Variants in PCP4 observed in about 807,000 individuals in gnomAD.
PCP4 encodes calmodulin regulator protein PCP4.
A neutral mutation model predicts 10.0 loss-of-function variants in PCP4; 8 were observed. That is an observed-to-expected ratio of 0.80 (90% CI 0.47 to 1.45). PCP4 has a LOEUF of 1.45. Among genes scored for constraint, PCP4 ranks in the 40% most tolerant of loss-of-function variants. PCP4 has a pLI of 0.00. For synonymous variants in PCP4, 21 were observed against 23.0 expected (o/e 0.91, Z 0.24); for missense variants, 54 against 74.4 (o/e 0.73, Z 1.01).
chr21:39,892,077 C>T (rs796476151), intron 1 of PCP4, among the ~76,000 whole-genome samples: 50 of 152,312 alleles, frequency 3.3e-4, no homozygotes, highest in African/African-American at 7.0e-4. Context: ...CTCCCTTTTG[C>T]GGTCTGCTAA....
intron 1 of PCP4, among the ~76,000 whole-genome samples, chr21:39,896,156 A>C (rs2087456197): frequency 6.6e-6 from 1 of 152,184 alleles, no homozygotes; most frequent in Admixed American, 6.5e-5. Flanking sequence ...TTTTATGGAA[A>C]AGTTATTCAT....
At chr21:39,913,733 A>G (rs7279686) in intron 2 of PCP4, among the ~76,000 whole-genome samples, 140,252 of 152,242 alleles carry the variant, frequency 0.92, 64,805 homozygotes, top group African/African-American at 0.98. Context: ...GAGGGACTTG[A>G]CCCTGGCTTT....
At chr21:39,880,160 A>ATATCTATATCTG (rs2087367449) in intron 1 of PCP4, among the ~76,000 whole-genome samples, 1 of 149,390 alleles carries the variant, frequency 6.7e-6, no homozygotes, top group Non-Finnish European at 1.5e-5. Flanking sequence ...ATCTATATCT[A>ATATCTATATCTG]TATCTATATC....
Position 39,881,126 on chromosome 21 carries a change from C to T in PCP4, c.9+13616C>T, listed in dbSNP as rs2146328381. Among the ~76,000 whole-genome samples the T allele has an allele frequency of 1.3e-5, 2 of 152,246 alleles. 1 individual carries two copies. The highest frequency in any genetic ancestry group is 4.2e-4 in the South Asian group (2 of 4,812). On this transcript the variant is annotated intron_variant, in intron 1 of 2. Coordinates refer to ENST00000328619, the MANE Select transcript of PCP4 (RefSeq NM_006198.3). ...TCTGAGTCTCAATCCACTTCTTGGG[C>T]TGTGACAGCTGATTTAGGACAAAAC... is the stretch of plus-strand genomic sequence containing the variant.
chr21:39,905,427 C>T (rs187616949), intron 2 of PCP4, among the ~76,000 whole-genome samples: 119 of 152,212 alleles, frequency 7.8e-4, no homozygotes, highest in African/African-American at 1.6e-3. Flanking sequence ...CTTATTAAGC[C>T]GGGCATTTAA....
In PCP4 at chr21:39,906,302, C is replaced by T. The variant is rs1189559227; in HGVS notation, c.61+7775C>T. On this transcript the variant is annotated intron_variant, in intron 2 of 2. Transcript: ENST00000328619. This position sits in a 1 kb window ranked among gnomAD's most constrained non-coding sequence, Gnocchi z 6.3. ...CAACTTGGATGGGCTGTGGTCTAAG[C>T]CCCTGGAACAGAATAAAGTTAATGG... Among the ~76,000 whole-genome samples, 3 of 152,296 alleles carry T rather than the reference C, an allele frequency of 2.0e-5. No homozygotes were observed. The highest frequency in any genetic ancestry group is 3.4e-3 in the Middle Eastern group (1 of 294).
rs930576709 is a variant in PCP4, at chr21:39,906,037, G to C, written c.61+7510G>C. Among the ~76,000 whole-genome samples the C allele has an allele frequency of 1.3e-5, 2 of 152,154 alleles. No homozygotes were observed. The highest frequency in any genetic ancestry group is 2.9e-5 in the Non-Finnish European group (2 of 68,040). The stretch of plus-strand genomic sequence containing the variant: ...TGCACTCCAACCTGGGTGACAGAGC[G>C]AGACTCCGTCTCAAAATGCTCCCCC... On this transcript the variant is annotated intron_variant, in intron 2 of 2. Coordinates refer to ENST00000328619, the MANE Select transcript of PCP4 (RefSeq NM_006198.3). This position sits in a 1 kb window ranked among gnomAD's most constrained non-coding sequence, Gnocchi z 6.3.
chr21:39,873,504 G>T (rs1415628275), intron 1 of PCP4, among the ~76,000 whole-genome samples: 3 of 151,956 alleles, frequency 2.0e-5, no homozygotes, highest in Non-Finnish European at 2.9e-5. Flanking sequence ...TGCAAAAAGG[G>T]ATGGATTCAA....
chr21:39,869,660 T>C (rs2087310517), intron 1 of PCP4, among the ~76,000 whole-genome samples: 2 of 152,172 alleles, frequency 1.3e-5, no homozygotes, highest in South Asian at 4.1e-4. Flanking sequence ...CATGTGCTCC[T>C]TGGAGAGCAG....
intron 1 of PCP4, among the ~76,000 whole-genome samples, chr21:39,880,582 G>A (rs1013570049): frequency 3.5e-4 from 53 of 152,126 alleles, no homozygotes; most frequent in African/African-American, 1.2e-3. Flanking sequence ...TGTCTTTATC[G>A]AGTGCTGGTT....
intron 1 of PCP4, among the ~76,000 whole-genome samples, chr21:39,874,872 A>T (rs2087337755): frequency 6.6e-6 from 1 of 152,194 alleles, no homozygotes; most frequent in African/African-American, 2.4e-5. Flanking sequence ...TTTCCATCCG[A>T]TAATACCTGA....
At chr21:39,889,060 A>G (rs1652588818) in intron 1 of PCP4, among the ~76,000 whole-genome samples, 2 of 152,296 alleles carry the variant, frequency 1.3e-5, no homozygotes, top group South Asian at 4.1e-4. Flanking sequence ...GCGTGGCTTG[A>G]TCACGGGGCC....
intron 1 of PCP4, among the ~76,000 whole-genome samples, chr21:39,893,394 T>G (rs551625366): frequency 1.3e-5 from 2 of 152,324 alleles, no homozygotes; most frequent in South Asian, 2.1e-4. Flanking sequence ...CATATACCCA[T>G]TTGTTATTTA....
At chr21:39,913,139 C>T (rs967603822) in intron 2 of PCP4, among the ~76,000 whole-genome samples, 3 of 152,038 alleles carry the variant, frequency 2.0e-5, no homozygotes, top group African/African-American at 7.2e-5. Flanking sequence ...AAGAACTCAT[C>T]TTCCTGATAA....
chr21:39,904,230 C>T (rs1360916442), intron 2 of PCP4, among the ~76,000 whole-genome samples: 3 of 152,104 alleles, frequency 2.0e-5, no homozygotes, highest in East Asian at 3.9e-4. Context: ...TTTCACTACC[C>T]CCTACCCCTG....
intron 2 of PCP4, among the ~76,000 whole-genome samples, chr21:39,914,573 C>A (rs1260166076): frequency 3.7e-3 from 443 of 118,870 alleles, no homozygotes; most frequent in South Asian, 6.5e-3. Context: ...AGAGCTGTCT[C>A]AAAAAAAAAA....
intron 1 of PCP4, among the ~76,000 whole-genome samples, chr21:39,892,554 A>G (rs375627923): frequency 1.3e-5 from 2 of 151,910 alleles, no homozygotes; most frequent in African/African-American, 2.4e-5. Flanking sequence ...TTTGTGTTTT[A>G]AAACTTTTTT....
intron 2 of PCP4, chr21:39,926,004 C>G (rs1168638208): frequency 2.2e-6 from 1 of 456,036 alleles, no homozygotes; most frequent in Non-Finnish European, 4.4e-6. Flanking sequence ...TGTACTGAAC[C>G]CTGTGCCACC....
rs149516749 is a variant in PCP4 at position 39,874,006 on chromosome 21, C to A, written c.9+6496C>A. Among the ~76,000 whole-genome samples, 421 of 152,260 alleles carry A rather than the reference C, an allele frequency of 2.8e-3. 2 individuals carry two copies. Among genetic ancestry groups the A allele is most frequent in the African/African-American group, 9.3e-3 (386 of 41,544 alleles). On this transcript the variant is annotated intron_variant, in intron 1 of 2. Transcript: ENST00000328619. ...CATTGCCAGTAGAAAAATCAATCAC[C>A]CACTAAATGCCATTATTTTATATTT...
Sources: allele counts gnomAD v4.1 joint callset (sites outside exome capture counted in the v4.1 genomes callset), GRCh38; gene constraint gnomAD v4.1.1; non-coding constraint Gnocchi (gnomAD v3.1); transcripts MANE v1.5; gene names NCBI Gene and HGNC (gene_info 2026-07-23, HGNC 2026-07-21).